The following COG5 variants were observed in gnomAD, a reference collection of about 807,000 sequenced individuals.
COG5 encodes the protein conserved oligomeric Golgi complex subunit 5.
Under a neutral mutation model 110.4 loss-of-function variants are expected in COG5, and 86 were observed. The ratio of observed to expected loss-of-function variants is 0.78; its 90% CI spans 0.65 to 0.93. The LOEUF is 0.93. Among genes scored for constraint, COG5 ranks in the 40% least tolerant of loss-of-function variants. The pLI is 0.00. For synonymous variants in COG5, 360 were observed against 334.6 expected (o/e 1.08, Z -0.83); for missense variants, 1,077 against 987.0 (o/e 1.09, Z -1.22).
intron 6 of COG5, among the ~76,000 whole-genome samples, chr7:107,449,621 C>T (rs1795215183): frequency 1.3e-5 from 2 of 152,120 alleles, no homozygotes; most frequent in Middle Eastern, 3.4e-3. Context: ...ATATGAAGTG[C>T]CCTTAGTGAT....
chr7:107,312,731 C>T (rs974170836), intron 11 of COG5, among the ~76,000 whole-genome samples: 2 of 152,062 alleles, frequency 1.3e-5, no homozygotes, highest in African/African-American at 4.8e-5. Flanking sequence ...ATTCGAATTG[C>T]ATTTTGAGAG....
intron 19 of COG5, among the ~76,000 whole-genome samples, chr7:107,211,766 A>T (rs1186573401): frequency 6.6e-6 from 1 of 152,210 alleles, no homozygotes; most frequent in Non-Finnish European, 1.5e-5. Flanking sequence ...CTTATACTAT[A>T]TTACATGTAT....
chr7:107,320,347 A>AT (rs964859524), intron 11 of COG5, among the ~76,000 whole-genome samples: 1 of 152,256 alleles, frequency 6.6e-6, no homozygotes, highest in Non-Finnish European at 1.5e-5. Context: ...TGTTTACATA[A>AT]AACTCTGCAA....
rs373826919 is a variant in COG5 at position 107,320,197 on chromosome 7, A to C, written c.1108+4243T>G. Among the ~76,000 whole-genome samples, 8 of 152,268 alleles carry C rather than the reference A, an allele frequency of 5.3e-5. No individual in the cohort carries two copies. The East Asian group carries it at 1.4e-3, about 26-fold the overall frequency. ...GTGACTCTGTGAAGTTTTGTTATAT[A>C]AATAGTAGAAGACAGATGTTGATTT... On this transcript the variant is annotated intron_variant, in intron 11 of 21. Transcript: ENST00000297135.
rs754010454 is a variant in COG5 at position 107,530,516 on chromosome 7, G to A, written c.418-3159C>T. Among the ~76,000 whole-genome samples the A allele has an allele frequency of 4.1e-5, 6 of 147,098 alleles. No individual in the cohort carries two copies. The South Asian group carries it at 6.4e-4, about 16-fold the overall frequency. On this transcript the variant is annotated intron_variant, in intron 5 of 21. Coordinates refer to ENST00000297135, the MANE Select transcript of COG5 (RefSeq NM_006348.5). ...CTTGGGAGGCTGAGGCAGAAGAATCGCTTGAACCCGGGAGGCGGAGGTTGC... is the reference window on the plus strand; with the variant it reads ...CTTGGGAGGCTGAGGCAGAAGAATCACTTGAACCCGGGAGGCGGAGGTTGC...
chr7:107,517,468 A>C (rs1800007385), intron 6 of COG5, among the ~76,000 whole-genome samples: 1 of 152,216 alleles, frequency 6.6e-6, no homozygotes, highest in African/African-American at 2.4e-5. Context: ...AAGACAGGCC[A>C]ACATTCAAAT....
At chr7:107,501,187 G>A (rs1798608512) in intron 6 of COG5, among the ~76,000 whole-genome samples, 1 of 151,946 alleles carries the variant, frequency 6.6e-6, no homozygotes, top group Non-Finnish European at 1.5e-5. Flanking sequence ...GTAGTTCTGA[G>A]GCACTTTGTT....
chr7:107,503,084 T>C (rs1389864498), intron 6 of COG5, among the ~76,000 whole-genome samples: 1 of 152,194 alleles, frequency 6.6e-6, no homozygotes, highest in Non-Finnish European at 1.5e-5. Flanking sequence ...TCTAGGCCAA[T>C]GTCTAGAAGA....
chr7:107,473,029 TA>T (rs1377320066), intron 6 of COG5: 2 of 151,864 alleles, frequency 1.3e-5, no homozygotes, highest in Non-Finnish European at 2.9e-5. Context: ...TATTTTTTTT[TA>T]ATTTTTCTTC....
intron 6 of COG5, among the ~76,000 whole-genome samples, chr7:107,521,492 A>T (rs117952788): frequency 0.022 from 3,405 of 152,280 alleles, 58 homozygotes; most frequent in Middle Eastern, 0.037. Context: ...TTATGAATAG[A>T]CTCTTCTCAA....
intron 13 of COG5, among the ~76,000 whole-genome samples, chr7:107,283,357 G>T (rs1428380337): frequency 6.6e-6 from 1 of 152,088 alleles, no homozygotes; most frequent in Non-Finnish European, 1.5e-5. Flanking sequence ...ATAATAGACT[G>T]TTTTTAGACT....
At chr7:107,400,426 ACACT>A (rs759081276) in intron 7 of COG5, among the ~76,000 whole-genome samples, 7 of 152,170 alleles carry the variant, frequency 4.6e-5, no homozygotes, top group Non-Finnish European at 7.4e-5. Flanking sequence ...TACTATAATA[ACACT>A]CCAGCACAAG....
chr7:107,451,823 G>A (rs778265005), intron 6 of COG5, among the ~76,000 whole-genome samples: 5 of 152,068 alleles, frequency 3.3e-5, no homozygotes, highest in African/African-American at 4.8e-5. Context: ...TACAAAATAT[G>A]TGTTAATCAA....
chr7:107,339,227 A>G (rs2129035130), intron 10 of COG5, among the ~76,000 whole-genome samples: 1 of 152,230 alleles, frequency 6.6e-6, no homozygotes, highest in Middle Eastern at 3.4e-3. Flanking sequence ...CACTGTTCTT[A>G]GGTCAGATAA....
chr7:107,532,884 T>C lies in COG5; in HGVS notation c.418-5527A>G, dbSNP rs570063409. 3.9e-5 allele frequency among the ~76,000 whole-genome samples: 6 copies of C among 152,344 alleles called. No individual in the cohort carries two copies. In the South Asian group the frequency reaches 1.2e-3, roughly 32 times the overall value. On this transcript the variant is annotated intron_variant, in intron 5 of 21. Coordinates refer to ENST00000297135, the MANE Select transcript of COG5 (RefSeq NM_006348.5). The stretch of plus-strand genomic sequence containing the variant: ...CACTGTTTTTTACAGCTGAATTATA[T>C]TTCTTTGCCAAAACATATAGTCATT...
chr7:107,244,156 G>A (rs1168223462), intron 17 of COG5, among the ~76,000 whole-genome samples: 2 of 152,170 alleles, frequency 1.3e-5, no homozygotes, highest in African/African-American at 4.8e-5. Context: ...GGAGGCTGAG[G>A]CAGGAGAATC....
chr7:107,488,551 A>G (rs1052625309), intron 6 of COG5, among the ~76,000 whole-genome samples: 1 of 152,230 alleles, frequency 6.6e-6, no homozygotes, highest in African/African-American at 2.4e-5. Flanking sequence ...GGTTTAAGCC[A>G]AAAGAATAAT....
chr7:107,280,404 T>C (rs1805071037), intron 14 of COG5, among the ~76,000 whole-genome samples: 1 of 152,090 alleles, frequency 6.6e-6, no homozygotes, highest in Non-Finnish European at 1.5e-5. Context: ...AATCCTTCAG[T>C]ATGTCACCAA....
chr7:107,472,914 ATT>A (rs1192091097), intron 6 of COG5: 2 of 151,962 alleles, frequency 1.3e-5, no homozygotes, highest in Non-Finnish European at 2.9e-5. Context: ...GAATATACTG[ATT>A]AACTGACATT....
Sources: gnomAD v4.1 joint callset for allele counts (sites outside exome capture counted in the v4.1 genomes callset) on GRCh38, gnomAD v4.1.1 for gene constraint, MANE v1.5 for transcripts, NCBI Gene and HGNC (gene_info 2026-07-23, HGNC 2026-07-21) for gene names.